CNGA1: variants seen among roughly 807,000 people sequenced by gnomAD.
The protein encoded by CNGA1 is cyclic nucleotide-gated channel alpha-1.
CNGA1 carries 53 observed loss-of-function variants against 69.7 expected under a neutral mutation model. The observed-to-expected ratio is 0.76, with a 90% CI of 0.61 to 0.96. CNGA1 has a LOEUF of 0.96. CNGA1 is among the 40% of genes least tolerant of loss of function. The probability of loss-of-function intolerance (pLI) is 0.00; values close to 1 mark genes in which losing one functional copy is unlikely to be tolerated. For synonymous variants in CNGA1, 249 were observed against 283.5 expected (o/e 0.88, Z 1.22); for missense variants, 739 against 811.2 (o/e 0.91, Z 1.08).
At chr4:47,987,623 T>C (rs923088168) in intron 2 of CNGA1, among the ~76,000 whole-genome samples, 12 of 149,826 alleles carry the variant, frequency 8.0e-5, no homozygotes, top group East Asian at 3.9e-4. Flanking sequence ...ATTTCTGCCC[T>C]TGTGGAGCAT....
rs1740632696 is a variant in CNGA1 at position 47,964,749 on chromosome 4, A to G, written c.-14-12046T>C. Among the ~76,000 whole-genome samples the G allele has an allele frequency of 3.3e-5, 5 of 152,134 alleles. No individual in the cohort carries two copies. In the South Asian group the frequency reaches 1.0e-3, roughly 31 times the overall value. ...TTTTGATGGAATTTGCATTAAAATC[A>G]TAGAATAAATTAGGAAATTATTTTC... On this transcript the variant is annotated intron_variant, in intron 3 of 10. Transcript: ENST00000514170.
chr4:47,941,486 T>TTTC (rs1739073409), intron 9 of CNGA1, among the ~76,000 whole-genome samples: 1 of 152,230 alleles, frequency 6.6e-6, no homozygotes, highest in Non-Finnish European at 1.5e-5. Context: ...ATTAAATCCT[T>TTTC]GATCTTTTTC....
At chr4:48,011,990 G>T (rs1715187413) in intron 1 of CNGA1, among the ~76,000 whole-genome samples, 1 of 152,188 alleles carries the variant, frequency 6.6e-6, no homozygotes, top group Non-Finnish European at 1.5e-5. Context: ...AAAAGATCTA[G>T]CTATGTTAAC....
chr4:47,997,282 A>C, intron 2 of CNGA1, among the ~76,000 whole-genome samples: 1 of 152,136 alleles, frequency 6.6e-6, no homozygotes. Flanking sequence ...CCACAGGCCT[A>C]CCCCTAACAT....
chr4:48,003,760 G>T (rs984346423), intron 2 of CNGA1, among the ~76,000 whole-genome samples: 15 of 152,124 alleles, frequency 9.9e-5, no homozygotes, highest in Non-Finnish European at 1.8e-4. Context: ...CCCAGACAGG[G>T]CCACCAGAGG....
intron 2 of CNGA1, among the ~76,000 whole-genome samples, chr4:47,983,924 G>A (rs1400957880): frequency 6.6e-6 from 1 of 152,126 alleles, no homozygotes; most frequent in African/African-American, 2.4e-5. Flanking sequence ...CCCAGAGAGG[G>A]TTACTAGATT....
At chr4:48,002,740 T>C (rs1483025324) in intron 2 of CNGA1, among the ~76,000 whole-genome samples, 1 of 149,496 alleles carries the variant, frequency 6.7e-6, no homozygotes, top group Non-Finnish European at 1.5e-5. Flanking sequence ...AAAAGGCCAG[T>C]GTTAGGTTCT....
In CNGA1 at chr4:47,952,573, T is replaced by G; in HGVS notation, c.107+10A>C. On this transcript the variant is annotated intron_variant, in intron 4 of 10. Transcript: ENST00000514170. ...ATAATAAAAATGCATGGGAAAATGT[T>G]TGGATTTACCTGCATGCTCCATTTT... The G allele has an allele frequency of 6.2e-7, 1 of 1,612,018 alleles. No individual in the cohort carries two copies. The highest frequency in any genetic ancestry group is 8.5e-7 in the Non-Finnish European group (1 of 1,178,742).
intron 3 of CNGA1, among the ~76,000 whole-genome samples, chr4:47,963,256 C>T (rs1246402560): frequency 2.0e-5 from 3 of 152,218 alleles, no homozygotes; most frequent in Non-Finnish European, 4.4e-5. Context: ...AAGCCAATAA[C>T]TGGATTTTAA....
intron 3 of CNGA1, among the ~76,000 whole-genome samples, chr4:47,953,982 C>T (rs1440736596): frequency 6.6e-6 from 1 of 152,104 alleles, no homozygotes; most frequent in Non-Finnish European, 1.5e-5. Flanking sequence ...TCTGAGACCA[C>T]TCTAGCTGTC....
intron 2 of CNGA1, among the ~76,000 whole-genome samples, chr4:48,002,683 C>CAAAAAAAAAAAA (rs34405949): frequency 8.5e-6 from 1 of 117,774 alleles, no homozygotes; most frequent in Non-Finnish European, 1.8e-5. Context: ...GTCAGACATG[C>CAAAAAAAAAAAA]AAAAAAAAAA....
intron 3 of CNGA1, among the ~76,000 whole-genome samples, chr4:47,954,899 C>T (rs17573717): frequency 0.33 from 49,873 of 152,026 alleles, 9,812 homozygotes; most frequent in Non-Finnish European, 0.44. Flanking sequence ...CCAAAGACTC[C>T]ATGGGCCCAG....
At chr4:47,959,875 G>A (rs549012494) in intron 3 of CNGA1, among the ~76,000 whole-genome samples, 8 of 152,044 alleles carry the variant, frequency 5.3e-5, no homozygotes, top group Non-Finnish European at 8.8e-5. Flanking sequence ...CAAAGTGCTG[G>A]GATTACAGTT....
chr4:48,002,769 G>A (rs1379298323), intron 2 of CNGA1, among the ~76,000 whole-genome samples: 1 of 151,646 alleles, frequency 6.6e-6, no homozygotes, highest in African/African-American at 2.4e-5. Context: ...GATGTTATTT[G>A]CAGGAGTAAT....
chr4:48,008,485 G>A (rs1345487414), intron 2 of CNGA1, among the ~76,000 whole-genome samples: 3 of 152,032 alleles, frequency 2.0e-5, no homozygotes, highest in Non-Finnish European at 4.4e-5. Flanking sequence ...TTTTTTAAAA[G>A]GACACTTTTT....
chr4:47,943,880 G>C (rs1035158305), intron 6 of CNGA1, among the ~76,000 whole-genome samples: 4 of 152,212 alleles, frequency 2.6e-5, no homozygotes, highest in African/African-American at 4.8e-5. Context: ...TCAACAAGCT[G>C]TCTGGTAATA....
intron 2 of CNGA1, among the ~76,000 whole-genome samples, chr4:48,007,228 C>T (rs1456239296): frequency 1.3e-5 from 2 of 152,050 alleles, no homozygotes; most frequent in African/African-American, 2.4e-5. Context: ...CCTTTTATAA[C>T]CTTTATAACC....
chr4:47,985,804 G>A (rs889272788), intron 2 of CNGA1, among the ~76,000 whole-genome samples: 14 of 150,048 alleles, frequency 9.3e-5, no homozygotes, highest in Admixed American at 1.3e-4. Flanking sequence ...TAAATATTAC[G>A]GATTCCTGGG....
intron 8 of CNGA1, among the ~76,000 whole-genome samples, chr4:47,942,663 G>A (rs1739163774): frequency 6.6e-6 from 1 of 152,186 alleles, no homozygotes; most frequent in African/African-American, 2.4e-5. Context: ...GAGCTGCAGG[G>A]TGAGGGAGGT....
Sources: allele counts gnomAD v4.1 joint callset (sites outside exome capture counted in the v4.1 genomes callset), GRCh38; gene constraint gnomAD v4.1.1; transcripts MANE v1.5; gene names NCBI Gene and HGNC (gene_info 2026-07-23, HGNC 2026-07-21).